ZC2HC1B: variants seen among roughly 807,000 people sequenced by gnomAD.
ZC2HC1B encodes zinc finger C2HC domain-containing protein 1B.
In ZC2HC1B, 36 loss-of-function variants were observed where a neutral mutation model predicts 31.0. The observed-to-expected ratio is 1.16, with a 90% CI of 0.89 to 1.54. The LOEUF is 1.54. ZC2HC1B is among the 40% of genes most tolerant of loss of function. The pLI is 0.00. For missense variants in ZC2HC1B, 260 were observed against 268.6 expected (o/e 0.97, Z 0.22); for synonymous variants, 73 against 88.0 (o/e 0.83, Z 0.95).
rs528040846 is a variant in ZC2HC1B, at chr6:143,869,615, A to T, written c.28+5048A>T. Among the ~76,000 whole-genome samples the T allele has an allele frequency of 2.6e-5, 4 of 152,218 alleles. No homozygotes were observed. The highest frequency in any genetic ancestry group is 5.9e-5 in the Non-Finnish European group (4 of 68,034). On this transcript the variant is annotated intron_variant, in intron 1 of 7. Coordinates refer to ENST00000237275, the MANE Select transcript of ZC2HC1B (RefSeq NM_001013623.3). This position sits in a 1 kb window ranked among gnomAD's most constrained non-coding sequence, Gnocchi z 5.2. ...GATAGGCAAACCCATATCCAGAGTG[A>T]GTGTTTATTCCAGTGAGGAGAAACC... is the stretch of plus-strand genomic sequence containing the variant.
intron 4 of ZC2HC1B, among the ~76,000 whole-genome samples, chr6:143,896,007 C>T (rs1777662035): frequency 1.3e-5 from 2 of 152,156 alleles, no homozygotes; most frequent in South Asian, 4.1e-4. Flanking sequence ...GCAGAAAATA[C>T]AACAATTCTC....
intron 6 of ZC2HC1B, among the ~76,000 whole-genome samples, chr6:143,907,514 C>A (rs2128495677): frequency 6.6e-6 from 1 of 152,226 alleles, no homozygotes; most frequent in East Asian, 1.9e-4. Flanking sequence ...TTTTGATTTG[C>A]ATTTCTCTAA....
intron 5 of ZC2HC1B, among the ~76,000 whole-genome samples, chr6:143,902,096 A>C (rs1389175385): frequency 6.6e-6 from 1 of 152,170 alleles, no homozygotes; most frequent in Non-Finnish European, 1.5e-5. Context: ...GGTGATTGCG[A>C]ACACAGAAGA....
At chr6:143,873,392 T>TC (rs1777367371) in intron 1 of ZC2HC1B, among the ~76,000 whole-genome samples, 2 of 152,180 alleles carry the variant, frequency 1.3e-5, no homozygotes, top group Admixed American at 1.3e-4. Flanking sequence ...GCCACACAGT[T>TC]CAAGCTGTCA....
chr6:143,891,911 T>C (rs1009400166), intron 4 of ZC2HC1B, among the ~76,000 whole-genome samples: 2 of 152,046 alleles, frequency 1.3e-5, no homozygotes, highest in Non-Finnish European at 2.9e-5. Flanking sequence ...AGAATCTAGA[T>C]ATAGACACCC....
chr6:143,898,125 G>C (rs1440754621), intron 4 of ZC2HC1B, among the ~76,000 whole-genome samples: 1 of 152,218 alleles, frequency 6.6e-6, no homozygotes. Context: ...TCTCAAACCA[G>C]AGTTTGGGAC....
chr6:143,919,380 A>T (rs544532051), intron 6 of ZC2HC1B, among the ~76,000 whole-genome samples: 1 of 141,958 alleles, frequency 7.0e-6, no homozygotes, highest in African/African-American at 2.6e-5. Flanking sequence ...TAATTTCCTC[A>T]TATATGTAGT....
chr6:143,885,885 G>C lies in ZC2HC1B; in HGVS notation c.91-147G>C. On this transcript the variant is annotated intron_variant, in intron 2 of 7. Coordinates refer to ENST00000237275, the MANE Select transcript of ZC2HC1B (RefSeq NM_001013623.3). The surrounding 1 kb of genome is among the most constrained non-coding windows in gnomAD (Gnocchi z 4.2). Reference sequence around the variant, plus strand: ...TAACATGGATGAGAAGAGCCAGATGGATTTGCTCTGCTGTGACCTGTTAGA... The same window carrying C: ...TAACATGGATGAGAAGAGCCAGATGCATTTGCTCTGCTGTGACCTGTTAGA... 1.2e-6 allele frequency: 1 copy of C among 803,376 alleles called. No individual in the cohort carries two copies. Among genetic ancestry groups the C allele is most frequent in the Non-Finnish European group, 1.7e-6 (1 of 576,782 alleles). 49.8% of individuals were successfully genotyped at this position (803,376 alleles called of 1,614,324 possible).
At chr6:143,931,619 G>A (rs2128497852) in intron 6 of ZC2HC1B, among the ~76,000 whole-genome samples, 1 of 152,198 alleles carries the variant, frequency 6.6e-6, no homozygotes, top group South Asian at 2.1e-4. Context: ...AGTCTTGGCT[G>A]GCAATTATTT....
chr6:143,917,578 A>G lies in ZC2HC1B; in HGVS notation c.598+14426A>G, dbSNP rs1464719810. Among the ~76,000 whole-genome samples the G allele has an allele frequency of 6.6e-6, 1 of 152,186 alleles. No individual in the cohort carries two copies. Among genetic ancestry groups the G allele is most frequent in the Non-Finnish European group, 1.5e-5 (1 of 68,038 alleles). ...CACCCATTTTGTTATTGATGTCACA[A>G]AATTACATCTTTATACAGGTTGAAT... On this transcript the variant is annotated intron_variant, in intron 6 of 7. Transcript: ENST00000237275. The surrounding 1 kb of genome is among the most constrained non-coding windows in gnomAD (Gnocchi z 4.1).
At chr6:143,914,871 T>C (rs1261649750) in intron 6 of ZC2HC1B, among the ~76,000 whole-genome samples, 1 of 152,214 alleles carries the variant, frequency 6.6e-6, no homozygotes, top group Non-Finnish European at 1.5e-5. Context: ...TTCCATCCTT[T>C]CAATTTCAAT....
Position 143,921,523 on chromosome 6 carries a change from A to G in ZC2HC1B, c.599-16126A>G, listed in dbSNP as rs947806625. Among the ~76,000 whole-genome samples the G allele has an allele frequency of 6.6e-6, 1 of 152,252 alleles. No homozygotes were observed. Among genetic ancestry groups the G allele is most frequent in the Non-Finnish European group, 1.5e-5 (1 of 68,042 alleles). On this transcript the variant is annotated intron_variant, in intron 6 of 7. Coordinates refer to ENST00000237275, the MANE Select transcript of ZC2HC1B (RefSeq NM_001013623.3). This position sits in a 1 kb window ranked among gnomAD's most constrained non-coding sequence, Gnocchi z 6.1. ...TCTATCATTTCACACTCAAATTATT[A>G]TCATAGAATAGAATTATCATGTTAA... is the stretch of plus-strand genomic sequence containing the variant.
At chr6:143,935,518 T>G (rs1335691445) in intron 6 of ZC2HC1B, among the ~76,000 whole-genome samples, 1 of 152,116 alleles carries the variant, frequency 6.6e-6, no homozygotes, top group African/African-American at 2.4e-5. Context: ...AGGGTCTTTT[T>G]TTTTCTTTTC....
chr6:143,877,913 A>G (rs1777426393), intron 1 of ZC2HC1B, among the ~76,000 whole-genome samples: 1 of 150,602 alleles, frequency 6.6e-6, no homozygotes, highest in South Asian at 2.1e-4. Flanking sequence ...TAAGCCAAGT[A>G]GAAGAAGATG....
rs1395951383 is a variant in ZC2HC1B, at chr6:143,871,674, G to T, written c.28+7107G>T. ...CCCTGAGTCTTTCAAGTCCTTGATG[G>T]TGGTACTAATCGCCACAGTCTCTGC... On this transcript the variant is annotated intron_variant, in intron 1 of 7. Transcript: ENST00000237275. This position sits in a 1 kb window ranked among gnomAD's most constrained non-coding sequence, Gnocchi z 4.1. Among the ~76,000 whole-genome samples, 3 of 152,194 alleles carry T rather than the reference G, an allele frequency of 2.0e-5. No individual in the cohort carries two copies. Among genetic ancestry groups the T allele is most frequent in the Admixed American group, 6.5e-5 (1 of 15,286 alleles).
At position 143,923,978 on chromosome 6, in the gene ZC2HC1B, T is replaced by C. The variant is rs927094754; in HGVS notation, c.599-13671T>C. Among the ~76,000 whole-genome samples the C allele has an allele frequency of 3.9e-5, 6 of 152,114 alleles. No homozygotes were observed. The highest frequency in any genetic ancestry group is 1.4e-4 in the African/African-American group (6 of 41,448). Reference sequence around the variant, plus strand: ...ATTTTAGGATTTTTTTGTATTTATATAAAGAATGTCATTGGTGTTTTGATA... The same window carrying C: ...ATTTTAGGATTTTTTTGTATTTATACAAAGAATGTCATTGGTGTTTTGATA... On this transcript the variant is annotated intron_variant, in intron 6 of 7. Coordinates refer to ENST00000237275, the MANE Select transcript of ZC2HC1B (RefSeq NM_001013623.3). This position sits in a 1 kb window ranked among gnomAD's most constrained non-coding sequence, Gnocchi z 4.8.
At position 143,903,405 on chromosome 6, in the gene ZC2HC1B, C is replaced by T. The variant is rs1047746831; in HGVS notation, c.598+253C>T. 2.0e-5 allele frequency among the ~76,000 whole-genome samples: 3 copies of T among 152,112 alleles called. No individual in the cohort carries two copies. Among genetic ancestry groups the T allele is most frequent in the South Asian group, 2.1e-4 (1 of 4,824 alleles). On this transcript the variant is annotated intron_variant, in intron 6 of 7. Transcript: ENST00000237275. The surrounding 1 kb of genome is among the most constrained non-coding windows in gnomAD (Gnocchi z 4.3). ...AATGGGAGTCTAAACCATTGTTCTC[C>T]GGTCTAGTAAAATTGAAGAGATTGA...
At position 143,918,050 on chromosome 6, in the gene ZC2HC1B, T is replaced by C. The variant is rs1481684763; in HGVS notation, c.598+14898T>C. Reference sequence around the variant, plus strand: ...ATTTCTTCATACAGCTTCAAGTTTCTGTCTAGGATCCTCCCACTTCACCTT... The same window carrying C: ...ATTTCTTCATACAGCTTCAAGTTTCCGTCTAGGATCCTCCCACTTCACCTT... On this transcript the variant is annotated intron_variant, in intron 6 of 7. Coordinates refer to ENST00000237275, the MANE Select transcript of ZC2HC1B (RefSeq NM_001013623.3). The surrounding 1 kb of genome is among the most constrained non-coding windows in gnomAD (Gnocchi z 4.1). Among the ~76,000 whole-genome samples the C allele has an allele frequency of 6.6e-6, 1 of 152,252 alleles. No homozygotes were observed. Among genetic ancestry groups the C allele is most frequent in the Admixed American group, 6.5e-5 (1 of 15,290 alleles).
chr6:143,925,788 G>T (rs1301239331), intron 6 of ZC2HC1B, among the ~76,000 whole-genome samples: 18 of 152,014 alleles, frequency 1.2e-4, no homozygotes, highest in Non-Finnish European at 2.9e-5. Flanking sequence ...GCCCACCTTG[G>T]CCTCCCAAAG....
Sources: gnomAD v4.1 joint callset for allele counts (sites outside exome capture counted in the v4.1 genomes callset) on GRCh38, gnomAD v4.1.1 for gene constraint, Gnocchi (gnomAD v3.1) non-coding constraint, MANE v1.5 for transcripts, NCBI Gene and HGNC (gene_info 2026-07-23, HGNC 2026-07-21) for gene names.